The following AGT variants were observed in gnomAD, a reference collection of about 807,000 sequenced individuals.
The protein encoded by AGT is angiotensinogen.
AGT carries 26 observed loss-of-function variants against 28.1 expected under a neutral mutation model. That is an observed-to-expected ratio of 0.92 (90% CI 0.68 to 1.28). The LOEUF (loss-of-function observed/expected upper bound fraction) is 1.28. Among genes scored for constraint, AGT ranks in the 50% most tolerant of loss-of-function variants. AGT has a pLI of 0.00. For synonymous variants in AGT, 259 were observed against 259.6 expected, an observed-to-expected ratio of 1.00 and a Z score of 0.02; for missense variants, 596 against 592.3, an observed-to-expected ratio of 1.01 and a Z score of -0.06.
In AGT at chr1:230,710,286, C is replaced by A; in HGVS notation, c.538G>T (p.Gly180Cys). 6.2e-7 allele frequency: 1 copy of A among 1,613,942 alleles called. No individual in the cohort carries two copies. Among genetic ancestry groups the A allele is most frequent in the Non-Finnish European group, 8.5e-7 (1 of 1,180,028 alleles). The change falls in exon 2 of 5, where the codon GGC becomes TGC. Residue 180 changes from glycine to cysteine, a missense_variant. Coordinates refer to ENST00000366667, the MANE Select transcript of AGT (RefSeq NM_001384479.1). ...GCCCTGCCCTGGGCCACTAGCAGGC[C>A]CTGTACAGCCTGCAGGGCAGACAGG... The part of the protein sequence containing the change: ...KVLSALQAVQ[G>C]LLVAQGRADS...
At chr1:230,723,445 C>T (rs1389284703) in intron 1 of AGT, among the ~76,000 whole-genome samples, 2 of 152,180 alleles carry the variant, frequency 1.3e-5, no homozygotes, top group Non-Finnish European at 2.9e-5. Flanking sequence ...CAGTATATTT[C>T]ATGTTGAATT....
chr1:230,735,675 T>G (rs1664142284), intron 1 of AGT, among the ~76,000 whole-genome samples: 1 of 152,062 alleles, frequency 6.6e-6, no homozygotes, highest in Admixed American at 6.5e-5. Flanking sequence ...CAGGGCTCCC[T>G]TCCTTCCCTG....
intron 1 of AGT, among the ~76,000 whole-genome samples, 139 bp downstream of exon 1, chr1:230,713,931 GGGGAAAGCCCGCGTCC>G (rs1440283827): frequency 6.6e-6 from 1 of 152,134 alleles, no homozygotes; most frequent in African/African-American, 2.4e-5. Flanking sequence ...GCACCGAGTG[GGGGAAAGCCCGCGTCC>G]GGATGACTGG....
rs539219199 is a variant in AGT, at chr1:230,744,445, C to G, written c.-31+1070G>C. ...CTCTGCAGGAAAGATGGACCCAGGG[C>G]TCTGTGGGCAGACATTGGGCAGGAA... is the stretch of plus-strand genomic sequence containing the variant. On this transcript the variant is annotated intron_variant, in intron 1 of 4. Transcript: ENST00000681269. Among the ~76,000 whole-genome samples the G allele has an allele frequency of 1.8e-4, 28 of 152,262 alleles. No homozygotes were observed. In the South Asian group the frequency reaches 5.6e-3, roughly 30 times the overall value.
At chr1:230,709,070 T>C (rs1663479893) in intron 2 of AGT, among the ~76,000 whole-genome samples, 1 of 152,326 alleles carries the variant, frequency 6.6e-6, no homozygotes, top group East Asian at 1.9e-4. Flanking sequence ...CCCAGTGACC[T>C]CTGTCCTCTG....
At chr1:230,740,011 T>C (rs1664218876) in intron 1 of AGT, among the ~76,000 whole-genome samples, 1 of 152,082 alleles carries the variant, frequency 6.6e-6, no homozygotes, top group Non-Finnish European at 1.5e-5. Flanking sequence ...TGAGTATACT[T>C]AGGGTTATTT....
chr1:230,734,610 A>ATGTGTGTG (rs59787972), intron 1 of AGT, among the ~76,000 whole-genome samples: 1 of 150,262 alleles, frequency 6.7e-6, no homozygotes, highest in African/African-American at 2.4e-5. Flanking sequence ...TGGTGTGTGT[A>ATGTGTGTG]TGTGTGTGTG....
In AGT at chr1:230,706,178, C is replaced by T; in HGVS notation, c.852G>A (p.Leu284=). 2 of 1,613,746 alleles carry T rather than the reference C, an allele frequency of 1.2e-6. No homozygotes were observed. The highest frequency in any genetic ancestry group is 3.3e-4 in the Middle Eastern group (2 of 6,038). ...CCCAGAACTCCTGGGGCTCGGCCAG[C>T]AGGGAGAAGCCCTTCATCTTCCCTG... The part of the protein sequence containing the change: ...HFQGKMKGFS[L]LAEPQEFWVD... The change falls in exon 3 of 5, where the codon CTG becomes CTA. Residue 284 remains leucine (L), a synonymous_variant. Coordinates refer to ENST00000366667, the MANE Select transcript of AGT (RefSeq NM_001384479.1).
chr1:230,706,944 T>C (rs577307696), intron 2 of AGT, among the ~76,000 whole-genome samples: 2 of 152,324 alleles, frequency 1.3e-5, no homozygotes, highest in African/African-American at 4.8e-5. Context: ...AGCTGTCCTG[T>C]GGCCCCCACC....
chr1:230,705,831 G>A, intron 3 of AGT, 102 bp downstream of exon 3: 2 of 1,494,340 alleles, frequency 1.3e-6, no homozygotes, highest in African/African-American at 1.4e-5. Context: ...GCCCTGCTCT[G>A]CACCCAAGGC....
intron 1 of AGT, among the ~76,000 whole-genome samples, chr1:230,743,770 A>C (rs1393269016): frequency 6.6e-6 from 1 of 152,220 alleles, no homozygotes. Flanking sequence ...GCTTCTGAGC[A>C]TTTGTCCTTG....
intron 1 of AGT, among the ~76,000 whole-genome samples, chr1:230,736,165 T>TTGTGTGTGTGTG (rs375559522): frequency 3.9e-4 from 59 of 149,532 alleles, no homozygotes; most frequent in African/African-American, 1.3e-3. Context: ...AAGGCAAAGT[T>TTGTGTGTGTGTG]TGTGTGTGTG....
upstream of AGT, among the ~76,000 whole-genome samples, chr1:230,717,154 A>T (rs1663753411): frequency 6.6e-6 from 1 of 151,344 alleles, no homozygotes; most frequent in African/African-American, 2.4e-5. Context: ...AATTAACAAC[A>T]TCTCAGCAAA....
chr1:230,743,560 C>T (rs887149137), intron 1 of AGT, among the ~76,000 whole-genome samples: 11 of 152,236 alleles, frequency 7.2e-5, no homozygotes, highest in Admixed American at 3.3e-4. Context: ...CCACCCTCCT[C>T]GCCAGCCCAC....
chr1:230,705,587 G>C lies in AGT; in HGVS notation c.1097+346C>G, dbSNP rs116093366. 6.3e-3 allele frequency among the ~76,000 whole-genome samples: 953 copies of C among 152,376 alleles called. 13 individuals are homozygous for C. The highest frequency in any genetic ancestry group is 0.02 in the African/African-American group (845 of 41,602). On this transcript the variant is annotated intron_variant, in intron 3 of 4. Transcript: ENST00000366667. ...AGCTCTTGGATGTCACAGGTGTGCT[G>C]TGTGTCAGGTGTGGGACCAAAATGG...
At chr1:230,724,765 G>T (rs998799040) in intron 1 of AGT, among the ~76,000 whole-genome samples, 5 of 152,310 alleles carry the variant, frequency 3.3e-5, no homozygotes, top group African/African-American at 1.2e-4. Flanking sequence ...GGTCAAAGCT[G>T]CAGTGAGCCA....
chr1:230,707,793 C>G (rs1396279685), intron 2 of AGT, among the ~76,000 whole-genome samples: 1 of 152,202 alleles, frequency 6.6e-6, no homozygotes, highest in Non-Finnish European at 1.5e-5. Flanking sequence ...CTGCCGTCTT[C>G]CCTCTGCTCG....
rs1456388171 is a variant in AGT at position 230,709,848 on chromosome 1, G to A, written c.829+147C>T. ...ACGGCCCATCCAGGGACCCAGCGGA[G>A]CAGCCACTTCCCCACTTCTCAAGGG... On this transcript the variant is annotated intron_variant, in intron 2 of 4. Coordinates refer to ENST00000366667, the MANE Select transcript of AGT (RefSeq NM_001384479.1). 11 of 1,194,476 alleles carry A rather than the reference G, an allele frequency of 9.2e-6. No homozygotes were observed. In the South Asian group the frequency reaches 1.4e-4, roughly 15 times the overall value. The allele number at this position is 1,194,476 out of a possible 1,614,324, so 74.0% of individuals were successfully genotyped here.
chr1:230,706,286 C>T (rs558295074), intron 2 of AGT, 86 bp from the exon 3 acceptor site: 15 of 1,463,922 alleles, frequency 1.0e-5, no homozygotes, highest in Non-Finnish European at 1.4e-5. Flanking sequence ...AGGCCCAGAT[C>T]CTGCCCCTCG....
Sources: allele counts gnomAD v4.1 joint callset (sites outside exome capture counted in the v4.1 genomes callset), GRCh38; gene constraint gnomAD v4.1.1; transcripts MANE v1.5; gene names NCBI Gene and HGNC (gene_info 2026-07-23, HGNC 2026-07-21).